The following LONP2 variants were observed in gnomAD, a reference collection of about 807,000 sequenced individuals.
LONP2 encodes the protein lon peptidase 2, peroxisomal.
A neutral mutation model predicts 85.6 loss-of-function variants in LONP2; 60 were observed. The ratio of observed to expected loss-of-function variants is 0.70; its 90% CI spans 0.57 to 0.87. LONP2 has a LOEUF of 0.87. Among genes scored for constraint, LONP2 ranks in the 40% least tolerant of loss-of-function variants. The pLI, the probability that LONP2 is intolerant of heterozygous loss-of-function variation, is 0.00. For missense variants in LONP2, 860 were observed against 1,063.5 expected (o/e 0.81, Z 2.66); for synonymous variants, 395 against 389.7 (o/e 1.01, Z -0.16).
intron 12 of LONP2, among the ~76,000 whole-genome samples, chr16:48,338,636 G>A (rs1183684390): frequency 6.6e-6 from 1 of 152,138 alleles, no homozygotes; most frequent in Non-Finnish European, 1.5e-5. Flanking sequence ...GGCTGGGCGC[G>A]GTGGCTCATG....
intron 11 of LONP2, among the ~76,000 whole-genome samples, chr16:48,318,560 G>C (rs1596980277): frequency 6.6e-6 from 1 of 152,110 alleles, no homozygotes; most frequent in Non-Finnish European, 1.5e-5. Context: ...TAAAATATTT[G>C]AATTTTACAG....
chr16:48,276,937 G>C (rs111505426), intron 7 of LONP2, among the ~76,000 whole-genome samples: 1 of 152,166 alleles, frequency 6.6e-6, no homozygotes, highest in South Asian at 2.1e-4. Context: ...AGCCATTTCA[G>C]TGTGCATAAA....
intron 6 of LONP2, among the ~76,000 whole-genome samples, chr16:48,263,142 T>G (rs1971913402): frequency 6.6e-6 from 1 of 152,180 alleles, no homozygotes. Flanking sequence ...CTCCAAAGTT[T>G]CCTCCTACCT....
At chr16:48,252,089 G>T (rs747207426) in intron 1 of LONP2, 42 bp from the exon 2 acceptor site, 1 of 1,414,068 alleles carries the variant, frequency 7.1e-7, no homozygotes, top group African/African-American at 1.4e-5. Flanking sequence ...CTGTTCTACC[G>T]TATTGAATGT....
At chr16:48,309,217 C>T (rs1013985963) in intron 11 of LONP2, among the ~76,000 whole-genome samples, 1 of 152,136 alleles carries the variant, frequency 6.6e-6, no homozygotes, top group African/African-American at 2.4e-5. Flanking sequence ...TTAGTACCAC[C>T]TCTATGGAAA....
rs1178407451 is a variant in LONP2, at chr16:48,355,808, A to T, written c.*4006A>T. Reference sequence around the variant, plus strand: ...ACCCAAAGACCCCTTGTATCAAAATAAGCTGGATTTTTTTATTGAAAATTA... The same window carrying T: ...ACCCAAAGACCCCTTGTATCAAAATTAGCTGGATTTTTTTATTGAAAATTA... On this transcript the variant is annotated 3_prime_UTR_variant, in exon 15 of 15. Coordinates refer to ENST00000285737, the MANE Select transcript of LONP2 (RefSeq NM_031490.5). 2 of 152,246 alleles carry T rather than the reference A, an allele frequency of 1.3e-5. No homozygotes were observed. The highest frequency in any genetic ancestry group is 2.9e-5 in the Non-Finnish European group (2 of 68,050). 9.4% of individuals were successfully genotyped at this position (152,246 alleles called of 1,614,324 possible).
chr16:48,302,624 ACT>A (rs1972830773), intron 10 of LONP2, among the ~76,000 whole-genome samples: 1 of 152,390 alleles, frequency 6.6e-6, no homozygotes, highest in Admixed American at 6.5e-5. Context: ...TGCTGTCATC[ACT>A]TAGCATACCT....
intron 12 of LONP2, among the ~76,000 whole-genome samples, chr16:48,347,223 A>G (rs1405486511): frequency 6.6e-6 from 1 of 152,216 alleles, no homozygotes; most frequent in African/African-American, 2.4e-5. Flanking sequence ...CTTGAAAACT[A>G]GGGCATGTGT....
intron 9 of LONP2, among the ~76,000 whole-genome samples, chr16:48,297,029 G>A (rs80262102): frequency 0.014 from 2,085 of 152,126 alleles, 48 homozygotes; most frequent in African/African-American, 0.048. Flanking sequence ...ATTATTTAGA[G>A]ACAGAGTCTA....
chr16:48,295,412 G>A (rs758949053), intron 8 of LONP2, among the ~76,000 whole-genome samples: 12 of 152,194 alleles, frequency 7.9e-5, no homozygotes, highest in Non-Finnish European at 1.6e-4. Flanking sequence ...ATTATAAGCA[G>A]CAATGTTTTG....
intron 8 of LONP2, among the ~76,000 whole-genome samples, chr16:48,293,916 G>A (rs952629006): frequency 3.3e-5 from 5 of 152,154 alleles, no homozygotes; most frequent in Non-Finnish European, 7.4e-5. Context: ...AACATTTTCC[G>A]TACCTAAACA....
chr16:48,245,866 C>T (rs1158780502), intron 1 of LONP2, among the ~76,000 whole-genome samples: 1 of 151,966 alleles, frequency 6.6e-6, no homozygotes, highest in African/African-American at 2.4e-5. Context: ...CAACAAGTAT[C>T]TTCAAACTCA....
chr16:48,321,823 G>T (rs1005877130), intron 11 of LONP2, among the ~76,000 whole-genome samples: 33 of 152,330 alleles, frequency 2.2e-4, no homozygotes, highest in African/African-American at 7.2e-4. Context: ...AGGACTGGAA[G>T]TAGCTCTGCG....
downstream of LONP2, among the ~76,000 whole-genome samples, chr16:48,358,202 T>A (rs1226085829): frequency 2.6e-5 from 4 of 152,178 alleles, no homozygotes; most frequent in African/African-American, 9.7e-5. Flanking sequence ...ACACAAAATG[T>A]ACTACCTTAA....
downstream of LONP2, chr16:48,361,513 G>A (rs758602712): frequency 4.6e-6 from 7 of 1,538,086 alleles, no homozygotes; most frequent in Non-Finnish European, 5.3e-6. Flanking sequence ...TTGGCAGACA[G>A]ATGGGTGCCT....
intron 6 of LONP2, among the ~76,000 whole-genome samples, chr16:48,269,289 A>C (rs1972054904): frequency 6.6e-6 from 1 of 151,816 alleles, no homozygotes; most frequent in Non-Finnish European, 1.5e-5. Flanking sequence ...ATTTAGTTCC[A>C]GTGATGCACA....
At chr16:48,247,266 CA>C (rs1971453517) in intron 1 of LONP2, 1 of 151,048 alleles carries the variant, frequency 6.6e-6, no homozygotes, top group African/African-American at 2.4e-5. Flanking sequence ...CTGAGTAATC[CA>C]TAGCATTAGC....
chr16:48,340,919 A>G (rs1196746786), intron 12 of LONP2, among the ~76,000 whole-genome samples: 5 of 152,184 alleles, frequency 3.3e-5, no homozygotes, highest in African/African-American at 1.2e-4. Context: ...TCTGTCTCAA[A>G]AAAAACAAAG....
At chr16:48,249,104 GA>G (rs1358715458) in intron 1 of LONP2, among the ~76,000 whole-genome samples, 2 of 152,132 alleles carry the variant, frequency 1.3e-5, no homozygotes, top group South Asian at 2.1e-4. Context: ...TCACTTGAAT[GA>G]AAACAATATT....
Sources: allele counts gnomAD v4.1 joint callset (sites outside exome capture counted in the v4.1 genomes callset), GRCh38; gene constraint gnomAD v4.1.1; transcripts MANE v1.5; gene names NCBI Gene and HGNC (gene_info 2026-07-23, HGNC 2026-07-21).